Variants in PEX10 observed in about 807,000 individuals in gnomAD.
The protein encoded by PEX10 is peroxisomal biogenesis factor 10, also known as peroxisome biogenesis factor 10.
A neutral mutation model predicts 38.0 loss-of-function variants in PEX10; 32 were observed. The observed-to-expected ratio is 0.84, with a 90% CI of 0.63 to 1.13. PEX10 has a LOEUF of 1.13. Ranked by LOEUF, PEX10 falls within the 50% of genes most tolerant of loss-of-function variation. The pLI, the probability that PEX10 is intolerant of heterozygous loss-of-function variation, is 0.00. For synonymous variants in PEX10, 206 were observed against 207.3 expected (o/e 0.99, Z 0.05); for missense variants, 483 against 457.7 (o/e 1.06, Z -0.51).
intron 3 of PEX10, 138 bp from the exon 4 acceptor site, chr1:2,407,033 A>C: frequency 2.4e-6 from 3 of 1,247,794 alleles, no homozygotes; most frequent in Admixed American, 3.9e-5. Flanking sequence ...TGCCCGGCAG[A>C]AACGATCAAG....
upstream of PEX10, among the ~76,000 whole-genome samples, chr1:2,413,366 C>A (rs753802197): frequency 2.6e-5 from 4 of 152,198 alleles, no homozygotes; most frequent in African/African-American, 4.8e-5. Flanking sequence ...GCGCTCCGAT[C>A]CCTCTGCTCC....
chr1:2,406,716 G>C lies in PEX10; in HGVS notation c.776+4C>G. 6.2e-7 allele frequency: 1 copy of C among 1,608,506 alleles called. No individual in the cohort carries two copies. The highest frequency in any genetic ancestry group is 8.5e-7 in the Non-Finnish European group (1 of 1,178,096). On this transcript the variant is annotated splice_donor_region_variant and intron_variant, in intron 4 of 5. Coordinates refer to ENST00000447513, the MANE Select transcript of PEX10 (RefSeq NM_002617.4). ...CAGCCCCCATGTGTGGCCCCCGCAC[G>C]CACCTGCGGTGAGACAGGCCGCGGT... is the stretch of plus-strand genomic sequence containing the variant.
chr1:2,412,321 A>AC (rs1002727415), intron 1 of PEX10, 70 bp downstream of exon 1: 48 of 1,289,746 alleles, frequency 3.7e-5, no homozygotes, highest in Non-Finnish European at 4.2e-5. Flanking sequence ...CACGGCAGAC[A>AC]CCCCGCCTCC....
In PEX10 at chr1:2,405,818, CA is replaced by C; in HGVS notation, c.928del (p.Cys310AlafsTer34). ...WCSSKAECPLCREKFPPQKLI... is the reference protein window; with the variant it reads ...WCSSKAECPLXREKFPPQKLI... Reference sequence around the variant, plus strand: ...CTTCTGGGGAGGGAACTTCTCCCGGCAGAGGGGACACTCCGCCTGCGGAGAG... The same window carrying C: ...CTTCTGGGGAGGGAACTTCTCCCGGCGAGGGGACACTCCGCCTGCGGAGAG... On this transcript the variant is annotated frameshift_variant, in exon 6 of 6. Transcript: ENST00000447513. LOFTEE classifies it high-confidence loss of function. The C allele has an allele frequency of 6.3e-7, 1 of 1,598,810 alleles. No individual in the cohort carries two copies. The highest frequency in any genetic ancestry group is 8.5e-7 in the Non-Finnish European group (1 of 1,173,204).
At chr1:2,408,370 G>C in intron 3 of PEX10, 82 bp downstream of exon 3, 1 of 1,475,778 alleles carries the variant, frequency 6.8e-7, no homozygotes, top group Non-Finnish European at 9.4e-7. Flanking sequence ...GGCCTGGAGG[G>C]CCAGCTCTGT....
Position 2,412,509 on chromosome 1 carries a change from G to A in PEX10, c.-7C>T, listed in dbSNP as rs1178909387. 1.1e-5 allele frequency: 15 copies of A among 1,349,922 alleles called. No individual in the cohort carries two copies. Among genetic ancestry groups the A allele is most frequent in the South Asian group, 5.4e-5 (3 of 55,786 alleles). The allele number at this position is 1,349,922 out of a possible 1,614,324, so 83.6% of individuals were successfully genotyped here. ...TGGCGGCGGCCGGGGCCATGGCCGC[G>A]GGTTCGGGTGGTCCCGAGCAGCCAC... On this transcript the variant is annotated 5_prime_UTR_variant, in exon 1 of 6. Transcript: ENST00000447513.
chr1:2,409,921 G>A lies in PEX10; in HGVS notation c.193+450C>T, dbSNP rs777484312. ...CTCGTAGGGAACCAGGCTGGCACTC[G>A]GTGGTCCTTGCTACATGCTGAGCTG... On this transcript the variant is annotated intron_variant, in intron 2 of 5. Coordinates refer to ENST00000447513, the MANE Select transcript of PEX10 (RefSeq NM_002617.4). This position sits in a 1 kb window ranked among gnomAD's most constrained non-coding sequence, Gnocchi z 6.2. The A allele has an allele frequency of 2.5e-5, 5 of 202,326 alleles. No individual in the cohort carries two copies. The highest frequency in any genetic ancestry group is 1.3e-4 in the East Asian group (1 of 7,770). The allele number at this position is 202,326 out of a possible 1,614,324, so 12.5% of individuals were successfully genotyped here. A position where few individuals can be genotyped will look rare whatever the true frequency, so the allele number is the denominator to read the frequency against.
At position 2,410,413 on chromosome 1, in the gene PEX10, G is replaced by A. The variant is rs1643147523; in HGVS notation, c.151C>T (p.Leu51=). The A allele has an allele frequency of 5.6e-6, 9 of 1,613,994 alleles. No individual in the cohort carries two copies. The highest frequency in any genetic ancestry group is 1.3e-5 in the African/African-American group (1 of 74,938). ...CCAAAGTAGGCCACATCTGAGAGCA[G>A]CTCAACCTCCTTCCTCCACTCCAGC... The part of the protein sequence containing the change: ...KWLEWRKEVE[L]LSDVAYFGLT... Residue 51 remains leucine (L), a synonymous_variant, in exon 2 of 6, where the codon CTG becomes TTG. Coordinates refer to ENST00000447513, the MANE Select transcript of PEX10 (RefSeq NM_002617.4). The surrounding 1 kb of genome is among the most constrained non-coding windows in gnomAD (Gnocchi z 5.1).
chr1:2,413,569 G>A (rs1301236158), upstream of PEX10: 2 of 152,524 alleles, frequency 1.3e-5, no homozygotes, highest in Non-Finnish European at 2.9e-5. Flanking sequence ...CGCCTGGCCA[G>A]GGAGGGCAGG....
chr1:2,405,998 C>T (rs1011117502), intron 5 of PEX10, among the ~76,000 whole-genome samples, 164 bp from the exon 6 acceptor site: 4 of 152,208 alleles, frequency 2.6e-5, no homozygotes, highest in East Asian at 1.9e-4. Context: ...TTCAGAAGGC[C>T]GAGTCCCAGT....
rs1643153528 is a variant in PEX10, at chr1:2,410,534, T to G, written c.113-83A>C. On this transcript the variant is annotated intron_variant, in intron 1 of 5. Transcript: ENST00000447513. This position sits in a 1 kb window ranked among gnomAD's most constrained non-coding sequence, Gnocchi z 5.1. ...GGACCACAGTCCTCCCCCAGTTGTCTAGGCCCAGATCCAGTCCCACCCCTT... is the reference window on the plus strand; with the variant it reads ...GGACCACAGTCCTCCCCCAGTTGTCGAGGCCCAGATCCAGTCCCACCCCTT... The G allele has an allele frequency of 1.6e-6, 2 of 1,218,342 alleles. No homozygotes were observed. The highest frequency in any genetic ancestry group is 1.9e-5 in the Admixed American group (1 of 52,892). 75.5% of individuals were successfully genotyped at this position (1,218,342 alleles called of 1,614,324 possible). A position where few individuals can be genotyped will look rare whatever the true frequency, so the allele number is the denominator to read the frequency against.
rs1643105340 is a variant in PEX10, at chr1:2,409,089, C to G, written c.194-231G>C. ...CCGGCCAATGGCTGCCCTTGGCTCC[C>G]AGGGCCTTGGCTGGCCAGTGTCCCT... On this transcript the variant is annotated intron_variant, in intron 2 of 5. Transcript: ENST00000447513. This position sits in a 1 kb window ranked among gnomAD's most constrained non-coding sequence, Gnocchi z 6.2. Among the ~76,000 whole-genome samples the G allele has an allele frequency of 6.6e-6, 1 of 151,654 alleles. No individual in the cohort carries two copies. The highest frequency in any genetic ancestry group is 2.4e-5 in the African/African-American group (1 of 40,986).
In PEX10 at chr1:2,406,098, C is replaced by G. The variant is rs2494426; in HGVS notation, c.913-264G>C. On this transcript the variant is annotated intron_variant, in intron 5 of 5. Coordinates refer to ENST00000447513, the MANE Select transcript of PEX10 (RefSeq NM_002617.4). ...CTGCTCCCGCAGCTGACACAGCCCA[C>G]GAAGCCCAGCTCCTGGGAAAGCGTG... 0.81 allele frequency among the ~76,000 whole-genome samples: 123,587 copies of G among 152,076 alleles called. 51,205 individuals are homozygous for G. The highest frequency in any genetic ancestry group is 0.89 in the Non-Finnish European group (60,818 of 67,968).
intron 1 of PEX10, among the ~76,000 whole-genome samples, chr1:2,411,230 CTTTTTTTTTT>C (rs140273455): frequency 1.8e-5 from 2 of 114,026 alleles, no homozygotes; most frequent in African/African-American, 7.4e-5. Context: ...ATGGCTTTGC[CTTTTTTTTTT>C]TTTTTTTTTT....
At position 2,406,712 on chromosome 1, in the gene PEX10, G is replaced by C. The variant is rs370594705; in HGVS notation, c.776+8C>G. 1 of 1,608,144 alleles carries C rather than the reference G, an allele frequency of 6.2e-7. No homozygotes were observed. Among genetic ancestry groups the C allele is most frequent in the South Asian group, 1.1e-5 (1 of 90,382 alleles). ...CCCCCAGCCCCCATGTGTGGCCCCC[G>C]CACGCACCTGCGGTGAGACAGGCCG... On this transcript the variant is annotated splice_region_variant and intron_variant, in intron 4 of 5. Coordinates refer to ENST00000447513, the MANE Select transcript of PEX10 (RefSeq NM_002617.4).
In PEX10 at chr1:2,407,064, G is replaced by C. The variant is rs1643035155; in HGVS notation, c.601-169C>G. The stretch of plus-strand genomic sequence containing the variant: ...TCAAGCCAGGGGGCAGGTTCAGGGA[G>C]TCTGAGGTGCCTGCTTCGTAGCCTA... On this transcript the variant is annotated intron_variant, in intron 3 of 5. Transcript: ENST00000447513. 25 of 904,500 alleles carry C rather than the reference G, an allele frequency of 2.8e-5. No individual in the cohort carries two copies. The East Asian group carries it at 6.6e-4, about 24-fold the overall frequency. 56.0% of individuals were successfully genotyped at this position (904,500 alleles called of 1,614,324 possible).
chr1:2,410,480 G>T lies in PEX10; in HGVS notation c.113-29C>A, dbSNP rs200050809. 111 of 1,600,482 alleles carry T rather than the reference G, an allele frequency of 6.9e-5. No homozygotes were observed. In the African/African-American group the frequency reaches 1.3e-3, roughly 19 times the overall value. ...AGAGGAGAAACAGTATTAGTCCGGGGGAGCTGGTGGGCATCCTCTGAGGAT... is the reference window on the plus strand; with the variant it reads ...AGAGGAGAAACAGTATTAGTCCGGGTGAGCTGGTGGGCATCCTCTGAGGAT... On this transcript the variant is annotated intron_variant, in intron 1 of 5. Transcript: ENST00000447513. The surrounding 1 kb of genome is among the most constrained non-coding windows in gnomAD (Gnocchi z 5.1).
Position 2,410,072 on chromosome 1 carries a change from C to T in PEX10, c.193+299G>A. The T allele has an allele frequency of 2.4e-6, 1 of 416,352 alleles. No individual in the cohort carries two copies. Among genetic ancestry groups the T allele is most frequent in the South Asian group, 2.1e-5 (1 of 48,360 alleles). 25.8% of individuals were successfully genotyped at this position (416,352 alleles called of 1,614,324 possible). A position where few individuals can be genotyped will look rare whatever the true frequency, so the allele number is the denominator to read the frequency against. On this transcript the variant is annotated intron_variant, in intron 2 of 5. Transcript: ENST00000447513. This position sits in a 1 kb window ranked among gnomAD's most constrained non-coding sequence, Gnocchi z 5.1. ...GGGCACTGCACCCTATGACATGGCT[C>T]AGCACTGTGACTCACTGGTGCCACC...
chr1:2,406,532 G>A lies in PEX10; in HGVS notation c.864C>T (p.Cys288=), dbSNP rs762621687. Reference sequence around the variant, plus strand: ...TGCACTCCCAGCAGAACAGGTGGCCGCAGGGCGTGGCTGTTGGGTGCCTGC... The same window carrying A: ...TGCACTCCCAGCAGAACAGGTGGCCACAGGGCGTGGCTGTTGGGTGCCTGC... ...EERRHPTATP[C]GHLFCWECIT... Residue 288 remains cysteine, a synonymous_variant, in exon 5 of 6, where the codon TGC becomes TGT. Transcript: ENST00000447513. 139 of 1,613,074 alleles carry A rather than the reference G, an allele frequency of 8.6e-5. 2 individuals are homozygous for A. The South Asian group carries it at 1.4e-3, about 16-fold the overall frequency.
Sources: gnomAD v4.1 joint callset for allele counts (sites outside exome capture counted in the v4.1 genomes callset) on GRCh38, gnomAD v4.1.1 for gene constraint, Gnocchi (gnomAD v3.1) non-coding constraint, MANE v1.5 for transcripts, NCBI Gene and HGNC (gene_info 2026-07-23, HGNC 2026-07-21) for gene names.